The following UBAP2 variants were observed in gnomAD, a reference collection of about 807,000 sequenced individuals.
UBAP2 encodes ubiquitin associated protein 2, also known as ubiquitin-associated protein 2.
In UBAP2, 75 loss-of-function variants were observed where a neutral mutation model predicts 139.6. The observed-to-expected ratio is 0.54, with a 90% CI of 0.45 to 0.65. The LOEUF (loss-of-function observed/expected upper bound fraction) is 0.65. Among genes scored for constraint, UBAP2 ranks in the 30% least tolerant of loss-of-function variants. The pLI is 0.00. For synonymous variants in UBAP2, 526 were observed against 526.2 expected (o/e 1.00, Z 0.01); for missense variants, 1,368 against 1,369.6 (o/e 1.00, Z 0.02).
chr9:33,940,202 T>C (rs1825085544), intron 16 of UBAP2, among the ~76,000 whole-genome samples: 1 of 152,126 alleles, frequency 6.6e-6, no homozygotes, highest in African/African-American at 2.4e-5. Flanking sequence ...GTCGTTTCTT[T>C]GGCTCTAGAA....
intron 1 of UBAP2, among the ~76,000 whole-genome samples, chr9:34,021,231 T>C (rs1274458886): frequency 1.3e-5 from 2 of 152,190 alleles, no homozygotes; most frequent in African/African-American, 4.8e-5. Context: ...TGCACTAATA[T>C]TAACTTATTT....
chr9:33,959,431 T>C (rs1826845241), intron 10 of UBAP2, among the ~76,000 whole-genome samples: 1 of 152,224 alleles, frequency 6.6e-6, no homozygotes, highest in African/African-American at 2.4e-5. Flanking sequence ...TATATAGTTT[T>C]GAGGATCTGT....
intron 1 of UBAP2, among the ~76,000 whole-genome samples, chr9:34,037,075 G>C (rs1014075118): frequency 7.1e-6 from 1 of 140,796 alleles, no homozygotes; most frequent in African/African-American, 2.7e-5. Context: ...TGCAACCTCC[G>C]ACTTCTGGGA....
intron 8 of UBAP2, among the ~76,000 whole-genome samples, chr9:33,965,256 AT>A (rs201839050): frequency 1.8e-3 from 271 of 151,902 alleles, no homozygotes; most frequent in African/African-American, 5.8e-3. Flanking sequence ...AACTTCTTCC[AT>A]TTTTTCCCCC....
intron 8 of UBAP2, among the ~76,000 whole-genome samples, chr9:33,966,391 G>A (rs968250562): frequency 6.6e-6 from 1 of 151,962 alleles, no homozygotes; most frequent in Non-Finnish European, 1.5e-5. Context: ...AGGAGATGGA[G>A]GTTGCAGTGA....
intron 2 of UBAP2, among the ~76,000 whole-genome samples, chr9:34,004,357 T>A (rs766258199): frequency 6.6e-6 from 1 of 152,086 alleles, no homozygotes; most frequent in South Asian, 2.1e-4. Flanking sequence ...TGGTGGTAAG[T>A]GCTGTAGTCC....
intron 2 of UBAP2, among the ~76,000 whole-genome samples, chr9:34,015,900 C>T (rs1439810915): frequency 6.6e-6 from 1 of 151,952 alleles, no homozygotes. Context: ...AATTCCTGGG[C>T]TCAAGCAACC....
chr9:33,951,981 C>A (rs1266804511), intron 12 of UBAP2, among the ~76,000 whole-genome samples: 1 of 152,026 alleles, frequency 6.6e-6, no homozygotes, highest in East Asian at 1.9e-4. Context: ...GCACTGACAC[C>A]ACCTCATATA....
Position 34,017,201 on chromosome 9 carries a change from T to C in UBAP2, c.-41-12A>G. ...ACAAAATAGAAAATCTGCAAGAAAG[T>C]AGGGATGGTAAGCAAAACAATCATA... On this transcript the variant is annotated splice_polypyrimidine_tract_variant and intron_variant, in intron 1 of 28. Transcript: ENST00000379238. The C allele has an allele frequency of 1.6e-6, 2 of 1,284,456 alleles. No homozygotes were observed. The highest frequency in any genetic ancestry group is 1.5e-5 in the South Asian group (1 of 66,288). 79.6% of individuals were successfully genotyped at this position (1,284,456 alleles called of 1,614,324 possible). A position where few individuals can be genotyped will look rare whatever the true frequency, so the allele number is the denominator to read the frequency against.
At chr9:34,002,618 C>T (rs1489578022) in intron 2 of UBAP2, among the ~76,000 whole-genome samples, 3 of 151,956 alleles carry the variant, frequency 2.0e-5, no homozygotes, top group Admixed American at 1.3e-4. Flanking sequence ...CCTCATGATC[C>T]GCCCACCTCG....
chr9:34,027,545 C>A (rs560209627), intron 1 of UBAP2, among the ~76,000 whole-genome samples: 20 of 148,568 alleles, frequency 1.3e-4, no homozygotes, highest in African/African-American at 5.0e-4. Flanking sequence ...CAGTGAGACC[C>A]CATTTCTATT....
intron 19 of UBAP2, among the ~76,000 whole-genome samples, chr9:33,929,579 C>T (rs1401600197): frequency 1.3e-5 from 2 of 151,986 alleles, no homozygotes; most frequent in South Asian, 4.1e-4. Flanking sequence ...AGAAAATACA[C>T]AGATCTATGT....
At position 33,923,804 on chromosome 9, in the gene UBAP2, G is replaced by A. The variant is rs760772544; in HGVS notation, c.2787C>T (p.Pro929=). ...CCTCTGAAATACTCACAAACATGGTGGGGCCATACTGGAAGGCACTGGGCA... is the reference window on the plus strand; with the variant it reads ...CCTCTGAAATACTCACAAACATGGTAGGGCCATACTGGAAGGCACTGGGCA... ...TGMPSAFQYG[P]TMFVPPASAK... is the part of the protein sequence containing the mutation. The change falls in exon 24 of 29, where the codon CCC becomes CCT. Residue 929 remains proline (P), a synonymous_variant. Transcript: ENST00000379238. The A allele has an allele frequency of 8.7e-6, 14 of 1,614,006 alleles. No individual in the cohort carries two copies. Among genetic ancestry groups the A allele is most frequent in the Non-Finnish European group, 1.2e-5 (14 of 1,179,984 alleles).
At chr9:33,955,248 C>T (rs1290965768) in intron 11 of UBAP2, among the ~76,000 whole-genome samples, 1 of 151,604 alleles carries the variant, frequency 6.6e-6, no homozygotes, top group African/African-American at 2.4e-5. Context: ...AGGCCAGGCG[C>T]GGTGGCTCAC....
chr9:34,039,374 C>T (rs983716182), intron 1 of UBAP2, among the ~76,000 whole-genome samples: 4 of 152,154 alleles, frequency 2.6e-5, no homozygotes, highest in Admixed American at 2.0e-4. Flanking sequence ...TCATTGAGAA[C>T]GGGCCATGAT....
chr9:34,037,286 C>T (rs889395772), intron 1 of UBAP2, among the ~76,000 whole-genome samples: 1 of 152,190 alleles, frequency 6.6e-6, no homozygotes, highest in Non-Finnish European at 1.5e-5. Flanking sequence ...CCGCGCCCAG[C>T]CCACACACAG....
At chr9:33,928,814 G>A (rs1426261272) in intron 19 of UBAP2, 1 of 152,410 alleles carries the variant, frequency 6.6e-6, no homozygotes, top group Non-Finnish European at 1.5e-5. Context: ...CTCCAAACCA[G>A]GACATAGAAA....
rs1826998998 is a variant in UBAP2 at position 33,960,889 on chromosome 9, A to G, written c.746-11T>C. The G allele has an allele frequency of 6.2e-7, 1 of 1,613,912 alleles. No individual in the cohort carries two copies. Among genetic ancestry groups the G allele is most frequent in the Non-Finnish European group, 8.5e-7 (1 of 1,179,798 alleles). On this transcript the variant is annotated splice_polypyrimidine_tract_variant and intron_variant, in intron 9 of 28. Transcript: ENST00000379238. ...AATTCTTCCAAGCCCCTGTTGGGAA[A>G]CAACAGCAATCAAAGTTTATACCAC...
chr9:33,925,887 G>T (rs971236803), intron 22 of UBAP2, among the ~76,000 whole-genome samples: 6 of 152,232 alleles, frequency 3.9e-5, no homozygotes, highest in African/African-American at 1.4e-4. Flanking sequence ...CTGGGAAATG[G>T]CAGAGCAAGA....
Sources: gnomAD v4.1 joint callset for allele counts (sites outside exome capture counted in the v4.1 genomes callset) on GRCh38, gnomAD v4.1.1 for gene constraint, MANE v1.5 for transcripts, NCBI Gene and HGNC (gene_info 2026-07-23, HGNC 2026-07-21) for gene names.